The following ZFR2 variants were observed in gnomAD, a reference collection of about 807,000 sequenced individuals.
The protein encoded by ZFR2 is zinc finger RNA-binding protein 2.
Under a neutral mutation model 105.7 loss-of-function variants are expected in ZFR2, and 104 were observed. The observed-to-expected ratio is 0.98, with a 90% CI of 0.84 to 1.16. ZFR2 has a LOEUF of 1.16. Among genes scored for constraint, ZFR2 ranks in the 50% most tolerant of loss-of-function variants. The pLI is 0.00. For missense variants in ZFR2, 1,425 were observed against 1,355.5 expected, an observed-to-expected ratio of 1.05 and a Z score of -0.80; for synonymous variants, 634 against 597.7, an observed-to-expected ratio of 1.06 and a Z score of -0.89.
At chr19:3,821,746 T>C (rs2037896109) in intron 9 of ZFR2, among the ~76,000 whole-genome samples, 1 of 151,362 alleles carries the variant, frequency 6.6e-6, no homozygotes, top group South Asian at 2.1e-4. Context: ...CCCGAGTAGC[T>C]GGGATTACAG....
At chr19:3,836,760 C>T (rs1379443912) in intron 1 of ZFR2, among the ~76,000 whole-genome samples, 1 of 152,160 alleles carries the variant, frequency 6.6e-6, no homozygotes, top group Non-Finnish European at 1.5e-5. Context: ...GGACCAGGGG[C>T]TCATGTCAAG....
intron 14 of ZFR2, among the ~76,000 whole-genome samples, chr19:3,812,299 C>T (rs10421643): frequency 0.32 from 48,168 of 151,790 alleles, 8,125 homozygotes; most frequent in Admixed American, 0.43. Flanking sequence ...AGGCTGGTCT[C>T]GAATTTCTGG....
intron 1 of ZFR2, among the ~76,000 whole-genome samples, chr19:3,837,648 C>T (rs937044988): frequency 1.1e-4 from 17 of 151,482 alleles, no homozygotes; most frequent in Non-Finnish European, 1.8e-4. Context: ...ATGGGACACC[C>T]GATGAACACC....
chr19:3,808,213 G>A (rs940257207), intron 17 of ZFR2, among the ~76,000 whole-genome samples: 23 of 150,726 alleles, frequency 1.5e-4, no homozygotes, highest in Non-Finnish European at 2.5e-4. Context: ...GTGCGTGTGT[G>A]CCCGTGCGAG....
intron 1 of ZFR2, among the ~76,000 whole-genome samples, chr19:3,836,220 T>C (rs2038075288): frequency 6.6e-6 from 1 of 152,182 alleles, no homozygotes; most frequent in Non-Finnish European, 1.5e-5. Flanking sequence ...CCCATACATG[T>C]TCAGTACAGA....
chr19:3,828,539 C>T (rs1303640607), intron 5 of ZFR2, among the ~76,000 whole-genome samples: 1 of 152,146 alleles, frequency 6.6e-6, no homozygotes, highest in Non-Finnish European at 1.5e-5. Flanking sequence ...CGTACACTTC[C>T]ATCTTAGGAA....
chr19:3,814,468 G>A (rs1412218252), intron 13 of ZFR2, among the ~76,000 whole-genome samples: 1 of 152,188 alleles, frequency 6.6e-6, no homozygotes, highest in Non-Finnish European at 1.5e-5. Context: ...TGAGGCCTGT[G>A]CTCACACCTG....
chr19:3,822,106 C>T lies in ZFR2; in HGVS notation c.1466G>A (p.Gly489Glu). 2 of 1,608,612 alleles carry T rather than the reference C, an allele frequency of 1.2e-6. No homozygotes were observed. The highest frequency in any genetic ancestry group is 1.1e-5 in the South Asian group (1 of 89,832). The change falls in exon 9 of 19, where the codon GGG (glycine) becomes GAG (glutamate). Residue 489 changes from glycine (G) to glutamate (E), a missense_variant. Transcript: ENST00000262961. ...CCGGTACTGCAGCCGGTGCCGCCGC[C>T]CCCTCACGTGCAGGTCCTTCGCGTT... ...DLNAKDLHVR[G>E]RRHRLQYRKK...
chr19:3,862,308 T>C (rs1158778337), intron 1 of ZFR2, among the ~76,000 whole-genome samples: 7 of 152,190 alleles, frequency 4.6e-5, no homozygotes, highest in Non-Finnish European at 1.0e-4. Flanking sequence ...TTTTGGTTCT[T>C]TTCTTTTGAG....
chr19:3,846,382 C>T (rs1462259517), intron 1 of ZFR2, among the ~76,000 whole-genome samples: 3 of 152,146 alleles, frequency 2.0e-5, no homozygotes, highest in Non-Finnish European at 4.4e-5. Flanking sequence ...GATGTTTTGC[C>T]GACTCGAAAA....
Position 3,831,543 on chromosome 19 carries a change from C to T in ZFR2, c.612G>A (p.Pro204=), listed in dbSNP as rs377469322. 94 of 1,562,686 alleles carry T rather than the reference C, an allele frequency of 6.0e-5. 1 individual carries two copies. The highest frequency in any genetic ancestry group is 7.2e-5 in the Non-Finnish European group (83 of 1,154,038). ...TCTAYTAPSY[P]NYDASVYSAA... ...CGGAGTACACCGACGCGTCATAGTT[C>T]GGGTAGCTTGGTGCTGAGCAGCAGA... is the stretch of plus-strand genomic sequence containing the variant. Residue 204 remains proline (P), a synonymous_variant, in exon 5 of 19, where the codon CCG becomes CCA. Coordinates refer to ENST00000262961, the MANE Select transcript of ZFR2 (RefSeq NM_015174.2).
At chr19:3,809,632 G>A (rs545388828) in intron 16 of ZFR2, among the ~76,000 whole-genome samples, 1 of 152,302 alleles carries the variant, frequency 6.6e-6, no homozygotes, top group South Asian at 2.1e-4. Context: ...GGAGAGGAGA[G>A]GACGTTTCCC....
intron 1 of ZFR2, among the ~76,000 whole-genome samples, chr19:3,837,537 C>A (rs888257461): frequency 6.7e-6 from 1 of 149,256 alleles, no homozygotes; most frequent in Non-Finnish European, 1.5e-5. Context: ...ACACCATGAC[C>A]GTGACACTCG....
At position 3,859,968 on chromosome 19, in the gene ZFR2, C is replaced by G. The variant is rs2038353263; in HGVS notation, c.53+8997G>C. ...AATGCCCATTTCAGATCCAGAAACC[C>G]CCAAAATGTCCCAACGTATTGGAAA... On this transcript the variant is annotated intron_variant, in intron 1 of 18. Coordinates refer to ENST00000262961, the MANE Select transcript of ZFR2 (RefSeq NM_015174.2). 4.6e-5 allele frequency among the ~76,000 whole-genome samples: 7 copies of G among 152,208 alleles called. No homozygotes were observed. In the South Asian group the frequency reaches 1.5e-3, roughly 32 times the overall value.
chr19:3,865,616 C>T (rs994552018), intron 1 of ZFR2, among the ~76,000 whole-genome samples: 9 of 152,198 alleles, frequency 5.9e-5, no homozygotes, highest in African/African-American at 1.9e-4. Flanking sequence ...TCTTGGCCTT[C>T]GAAAGTGCTG....
At chr19:3,855,999 C>A (rs559573718) in intron 1 of ZFR2, among the ~76,000 whole-genome samples, 6 of 152,264 alleles carry the variant, frequency 3.9e-5, no homozygotes, top group African/African-American at 1.2e-4. Flanking sequence ...TGTGATGGGG[C>A]CTCTTTGGCG....
chr19:3,822,384 C>G (rs534581493), intron 8 of ZFR2, among the ~76,000 whole-genome samples, 184 bp from the exon 9 acceptor site: 6 of 149,476 alleles, frequency 4.0e-5, no homozygotes, highest in African/African-American at 1.2e-4. Context: ...TCGGTCTTGG[C>G]TCACTGCAGC....
intron 9 of ZFR2, 109 bp downstream of exon 9, chr19:3,821,972 A>C (rs999291018): frequency 2.1e-6 from 3 of 1,434,742 alleles, no homozygotes; most frequent in Non-Finnish European, 2.8e-6. Flanking sequence ...CCTCCCTCTT[A>C]AGTTCGTCGG....
intron 1 of ZFR2, among the ~76,000 whole-genome samples, chr19:3,853,999 G>T (rs1400066478): frequency 6.6e-6 from 1 of 151,938 alleles, no homozygotes; most frequent in African/African-American, 2.4e-5. Context: ...TGGGAGGATT[G>T]CTTAAGCCCT....
Sources: allele counts gnomAD v4.1 joint callset (sites outside exome capture counted in the v4.1 genomes callset), GRCh38; gene constraint gnomAD v4.1.1; transcripts MANE v1.5; gene names NCBI Gene and HGNC (gene_info 2026-07-23, HGNC 2026-07-21).